The following TMEM117 variants were observed in gnomAD, a reference collection of about 807,000 sequenced individuals.
TMEM117 encodes the protein transmembrane protein 117.
In TMEM117, 27 loss-of-function variants were observed where a neutral mutation model predicts 52.4. The ratio of observed to expected loss-of-function variants is 0.51; its 90% CI spans 0.38 to 0.71. TMEM117 has a LOEUF of 0.71. TMEM117 is among the 30% of genes least tolerant of loss of function. The pLI, the probability that TMEM117 is intolerant of heterozygous loss-of-function variation, is 0.00. For synonymous variants in TMEM117, 215 were observed against 206.3 expected (o/e 1.04, Z -0.36); for missense variants, 556 against 630.5 (o/e 0.88, Z 1.26).
intron 3 of TMEM117, among the ~76,000 whole-genome samples, chr12:44,094,121 G>A (rs1947717778): frequency 6.6e-6 from 1 of 152,118 alleles, no homozygotes; most frequent in Admixed American, 6.6e-5. Flanking sequence ...TTCAATTAGA[G>A]TAAGTTAACT....
chr12:44,054,747 T>G (rs1489821007), intron 3 of TMEM117, among the ~76,000 whole-genome samples: 1 of 152,080 alleles, frequency 6.6e-6, no homozygotes, highest in African/African-American at 2.4e-5. Flanking sequence ...ATTTTCTTTT[T>G]TTTTTAAATT....
intron 7 of TMEM117, among the ~76,000 whole-genome samples, chr12:44,381,810 A>G (rs1215464783): frequency 2.6e-5 from 4 of 151,894 alleles, no homozygotes; most frequent in African/African-American, 9.7e-5. Context: ...GTTCCCAGAG[A>G]CTGTTTTTTT....
intron 3 of TMEM117, among the ~76,000 whole-genome samples, chr12:43,957,226 T>C (rs138282518): frequency 6.6e-6 from 1 of 152,184 alleles, no homozygotes; most frequent in African/African-American, 2.4e-5. Flanking sequence ...GCTGATGGGT[T>C]GATAGGTGCA....
chr12:44,372,063 G>A (rs117986104), intron 6 of TMEM117, among the ~76,000 whole-genome samples: 10 of 152,260 alleles, frequency 6.6e-5, no homozygotes, highest in South Asian at 4.1e-4. Context: ...TTGGAGTAGC[G>A]TAATACCTTG....
chr12:44,297,195 C>A (rs1007720165), intron 5 of TMEM117, among the ~76,000 whole-genome samples: 1 of 152,172 alleles, frequency 6.6e-6, no homozygotes, highest in Non-Finnish European at 1.5e-5. Flanking sequence ...CCTAGACTTT[C>A]ACACCTAAAA....
intron 3 of TMEM117, among the ~76,000 whole-genome samples, chr12:44,075,484 T>C (rs1255710476): frequency 6.6e-6 from 1 of 152,234 alleles, no homozygotes; most frequent in Admixed American, 6.5e-5. Context: ...GAGATCCATA[T>C]TTTCCTTTTT....
chr12:44,107,041 G>T (rs1947967712), intron 3 of TMEM117, among the ~76,000 whole-genome samples: 1 of 152,042 alleles, frequency 6.6e-6, no homozygotes, highest in Admixed American at 6.6e-5. Flanking sequence ...TAAAGTTGAT[G>T]ATGGTATAAT....
chr12:44,306,091 A>C (rs1291331225), intron 6 of TMEM117, among the ~76,000 whole-genome samples: 1 of 152,164 alleles, frequency 6.6e-6, no homozygotes, highest in Non-Finnish European at 1.5e-5. Flanking sequence ...GGTGAACATA[A>C]AAACAGGTAC....
intron 5 of TMEM117, 135 bp from the exon 6 acceptor site, chr12:44,299,445 C>A: frequency 8.4e-7 from 1 of 1,195,570 alleles, no homozygotes. Flanking sequence ...CTTTTTTCAT[C>A]TTCCTTTTGG....
At position 44,342,028 on chromosome 12, in the gene TMEM117, A is replaced by T. The variant is rs553754616; in HGVS notation, c.769-34567A>T. ...TAGAGGCTACCATATTCTTACTTGT[A>T]CTTCATAGGAGTTCCCAGATATTTT... On this transcript the variant is annotated intron_variant, in intron 6 of 7. Coordinates refer to ENST00000266534, the MANE Select transcript of TMEM117 (RefSeq NM_032256.3). Among the ~76,000 whole-genome samples the T allele has an allele frequency of 1.6e-3, 239 of 152,032 alleles. 3 individuals carry two copies. Among genetic ancestry groups the T allele is most frequent in the African/African-American group, 5.3e-3 (222 of 41,532 alleles).
intron 4 of TMEM117, among the ~76,000 whole-genome samples, chr12:44,157,797 A>T (rs1374193351): frequency 6.6e-6 from 1 of 152,174 alleles, no homozygotes; most frequent in Non-Finnish European, 1.5e-5. Flanking sequence ...TGAGCAGGCA[A>T]ATCATAGTCC....
chr12:44,345,499 A>C (rs868211695), intron 6 of TMEM117, among the ~76,000 whole-genome samples: 18 of 152,276 alleles, frequency 1.2e-4, no homozygotes, highest in Middle Eastern at 6.8e-3. Context: ...ACATATTCAT[A>C]GTATTGATTA....
intron 2 of TMEM117, among the ~76,000 whole-genome samples, chr12:43,863,467 C>G (rs1036990775): frequency 6.6e-6 from 1 of 152,094 alleles, no homozygotes; most frequent in African/African-American, 2.4e-5. Flanking sequence ...AAAGATCAGA[C>G]TATTACGCAT....
At chr12:44,174,255 C>T (rs138433815) in intron 4 of TMEM117, among the ~76,000 whole-genome samples, 1,596 of 152,144 alleles carry the variant, frequency 0.01, 13 homozygotes, top group Non-Finnish European at 0.016. Flanking sequence ...ATCCAGCCTA[C>T]CATTGTTTTT....
intron 3 of TMEM117, among the ~76,000 whole-genome samples, chr12:44,099,871 T>C (rs1056963393): frequency 1.3e-5 from 2 of 151,966 alleles, no homozygotes; most frequent in Admixed American, 1.3e-4. Context: ...CTAGAAGCTA[T>C]AGCAGATTGG....
intron 6 of TMEM117, among the ~76,000 whole-genome samples, chr12:44,352,882 C>T (rs1951585233): frequency 6.6e-6 from 1 of 152,150 alleles, no homozygotes; most frequent in Admixed American, 6.6e-5. Flanking sequence ...CTGTCTTCCA[C>T]AATGGTTGAA....
intron 2 of TMEM117, among the ~76,000 whole-genome samples, chr12:43,852,599 C>CA (rs1943329800): frequency 6.6e-6 from 1 of 152,072 alleles, no homozygotes; most frequent in Admixed American, 6.5e-5. Flanking sequence ...GACTCTGTCT[C>CA]AAAAACAAAC....
intron 5 of TMEM117, among the ~76,000 whole-genome samples, chr12:44,280,006 A>G (rs187520874): frequency 2.6e-5 from 4 of 152,270 alleles, no homozygotes; most frequent in Non-Finnish European, 5.9e-5. Flanking sequence ...GCTACACCTT[A>G]CTAGTCTCAA....
chr12:43,924,563 T>C (rs1281261032), intron 2 of TMEM117, among the ~76,000 whole-genome samples: 1 of 152,222 alleles, frequency 6.6e-6, no homozygotes, highest in Non-Finnish European at 1.5e-5. Context: ...TCTTTTGCTC[T>C]GTCTTAATAA....
Sources: gnomAD v4.1 joint callset for allele counts (sites outside exome capture counted in the v4.1 genomes callset) on GRCh38, gnomAD v4.1.1 for gene constraint, MANE v1.5 for transcripts, NCBI Gene and HGNC (gene_info 2026-07-23, HGNC 2026-07-21) for gene names.